NEXMIF: variants seen among roughly 807,000 people sequenced by gnomAD.
NEXMIF encodes neurite extension and migration factor.
Under a neutral mutation model 62.1 loss-of-function variants are expected in NEXMIF, and 8 were observed. That is an observed-to-expected ratio of 0.13 (90% CI 0.08 to 0.23). The LOEUF is 0.23. NEXMIF is among the 10% of genes least tolerant of loss of function. NEXMIF has a pLI of 1.00. For synonymous variants in NEXMIF, 404 were observed against 416.6 expected, an observed-to-expected ratio of 0.97 and a Z score of 0.37; for missense variants, 976 against 1,113.3, an observed-to-expected ratio of 0.88 and a Z score of 1.75.
chrX:74,818,094 TA>T (rs990735062), intron 1 of NEXMIF, among the ~76,000 whole-genome samples: 21 of 108,176 alleles, frequency 1.9e-4, no homozygotes, highest in Middle Eastern at 4.3e-3. Flanking sequence ...TTCACAGAAT[TA>T]AAAAAAAATT....
At chrX:74,762,309 C>T (rs2080179239) in intron 1 of NEXMIF, among the ~76,000 whole-genome samples, 1 of 111,339 alleles carries the variant, frequency 9.0e-6, no homozygotes, top group Non-Finnish European at 1.9e-5. Flanking sequence ...TTTTTTATGG[C>T]TGCATAGTAT....
At chrX:74,793,607 G>T (rs1244878052) in intron 1 of NEXMIF, among the ~76,000 whole-genome samples, 1 of 110,200 alleles carries the variant, frequency 9.1e-6, no homozygotes, top group Admixed American at 9.7e-5. Flanking sequence ...TCACTTTCAG[G>T]TACACCAATC....
At chrX:74,898,230 T>C (rs1050053341) in intron 1 of NEXMIF, among the ~76,000 whole-genome samples, 1 of 112,383 alleles carries the variant, frequency 8.9e-6, no homozygotes, top group African/African-American at 3.2e-5. Context: ...TAAAGTCGTG[T>C]TGATAGCATG....
intron 1 of NEXMIF, among the ~76,000 whole-genome samples, chrX:74,895,848 A>C (rs2080731416): frequency 9.1e-6 from 1 of 110,022 alleles, no homozygotes; most frequent in Non-Finnish European, 1.9e-5. Context: ...AAAAAAAAAA[A>C]ACATAGAATG....
At chrX:74,830,643 AC>A (rs1399823432) in intron 1 of NEXMIF, among the ~76,000 whole-genome samples, 2 of 112,128 alleles carry the variant, frequency 1.8e-5, no homozygotes, top group Non-Finnish European at 3.8e-5. Context: ...TGCTTTGGGT[AC>A]TACAAACATT....
intron 1 of NEXMIF, among the ~76,000 whole-genome samples, chrX:74,881,181 G>A (rs1188453805): frequency 1.8e-5 from 2 of 111,191 alleles, no homozygotes; most frequent in Admixed American, 1.9e-4. Context: ...GACACACCCA[G>A]GTGAGTGTTG....
intron 1 of NEXMIF, among the ~76,000 whole-genome samples, chrX:74,794,847 C>T (rs1252664261): frequency 8.9e-5 from 10 of 111,749 alleles, no homozygotes; most frequent in East Asian, 2.8e-4. Flanking sequence ...ATGCACAGTG[C>T]GCGCACCCAC....
intron 1 of NEXMIF, among the ~76,000 whole-genome samples, chrX:74,764,550 C>T (rs766754721): frequency 2.7e-5 from 3 of 111,951 alleles, no homozygotes; most frequent in South Asian, 3.8e-4. Flanking sequence ...ATGGTACCAG[C>T]TCCTCCTTGT....
intron 1 of NEXMIF, among the ~76,000 whole-genome samples, chrX:74,871,644 G>A (rs1043305499): frequency 5.4e-5 from 6 of 111,071 alleles, no homozygotes; most frequent in African/African-American, 2.0e-4. Flanking sequence ...TCCTTCCTGA[G>A]GGTTACTCCA....
intron 1 of NEXMIF, among the ~76,000 whole-genome samples, chrX:74,823,114 C>T (rs926758202): frequency 5.4e-5 from 6 of 111,962 alleles, no homozygotes; most frequent in East Asian, 5.6e-4. Flanking sequence ...CATATTGCTA[C>T]AGATCCATTT....
chrX:74,745,106 C>T (rs969598696), intron 2 of NEXMIF, among the ~76,000 whole-genome samples: 4 of 109,883 alleles, frequency 3.6e-5, no homozygotes, highest in Non-Finnish European at 5.7e-5. Flanking sequence ...CTCAGCCTCC[C>T]GAGTAGCTGG....
chrX:74,785,648 A>AGGCAT (rs1405485166), intron 1 of NEXMIF, among the ~76,000 whole-genome samples: 1 of 112,458 alleles, frequency 8.9e-6, no homozygotes, highest in African/African-American at 3.2e-5. Context: ...GCCTTCCCCC[A>AGGCAT]GGCATTCTGC....
At chrX:74,913,334 A>G (rs770720616) in intron 1 of NEXMIF, among the ~76,000 whole-genome samples, 1 of 112,141 alleles carries the variant, frequency 8.9e-6, no homozygotes, top group African/African-American at 3.2e-5. Context: ...TTGAAAATAT[A>G]ATGATAGAAA....
At chrX:74,867,860 G>A (rs997233183) in intron 1 of NEXMIF, among the ~76,000 whole-genome samples, 46 of 111,677 alleles carry the variant, frequency 4.1e-4, no homozygotes, top group African/African-American at 1.5e-3. Flanking sequence ...CTACAGAATG[G>A]GAGAAATTTT....
At chrX:74,796,292 TTA>T (rs1182110920) in intron 1 of NEXMIF, among the ~76,000 whole-genome samples, 2 of 13,596 alleles carry the variant, frequency 1.5e-4, no homozygotes, top group African/African-American at 2.3e-4. Context: ...ATTATATATA[TTA>T]TATATATATA....
chrX:74,761,343 G>T (rs188415303), intron 1 of NEXMIF, among the ~76,000 whole-genome samples: 4 of 111,585 alleles, frequency 3.6e-5, no homozygotes, highest in South Asian at 7.5e-4. Context: ...AATCGACCTG[G>T]TCCTGGGCAA....
Position 74,734,993 on chromosome X carries a change from A to G in NEXMIF, c.*4412T>C, listed in dbSNP as rs1208792621. On this transcript the variant is annotated 3_prime_UTR_variant, in exon 4 of 4. Transcript: ENST00000055682. ...AACCTTTACAAAATCCCTGGCCTAC[A>G]TTGTGTTGACAAGATTCCTGTTTGT... The G allele has an allele frequency of 8.9e-6, 1 of 112,070 alleles. No individual in the cohort carries two copies. The highest frequency in any genetic ancestry group is 2.8e-4 in the East Asian group (1 of 3,561). 9.2% of individuals were successfully genotyped at this position (112,070 alleles called of 1,213,427 possible). A position where few individuals can be genotyped will look rare whatever the true frequency, so the allele number is the denominator to read the frequency against.
chrX:74,872,032 T>C (rs2080603324), intron 1 of NEXMIF, among the ~76,000 whole-genome samples: 2 of 111,450 alleles, frequency 1.8e-5, no homozygotes, highest in South Asian at 3.8e-4. Flanking sequence ...GTGATAAATG[T>C]CCATGAAATC....
chrX:74,869,371 G>GA (rs1247729381), intron 1 of NEXMIF, among the ~76,000 whole-genome samples: 1 of 111,788 alleles, frequency 8.9e-6, no homozygotes, highest in Non-Finnish European at 1.9e-5. Flanking sequence ...GTATCATACT[G>GA]AATGAGGAAA....
Sources: gnomAD v4.1 joint callset for allele counts (sites outside exome capture counted in the v4.1 genomes callset) on GRCh38, gnomAD v4.1.1 for gene constraint, MANE v1.5 for transcripts, NCBI Gene and HGNC (gene_info 2026-07-23, HGNC 2026-07-21) for gene names.